The following STK24 variants were observed in gnomAD, a reference collection of about 807,000 sequenced individuals.
The protein encoded by STK24 is serine/threonine kinase 24.
In STK24, 21 loss-of-function variants were observed where a neutral mutation model predicts 55.6. The ratio of observed to expected loss-of-function variants is 0.38; its 90% confidence interval spans 0.27 to 0.54. The LOEUF is 0.54. Among genes scored for constraint, STK24 ranks in the 20% least tolerant of loss-of-function variants. The probability of loss-of-function intolerance (pLI) is 0.79; values close to 1 mark genes in which losing one functional copy is unlikely to be tolerated. For synonymous variants in STK24, 200 were observed against 215.2 expected (o/e 0.93, Z 0.62); for missense variants, 383 against 538.4 (o/e 0.71, Z 2.86).
intron 2 of STK24, among the ~76,000 whole-genome samples, chr13:98,505,637 C>T (rs1396538698): frequency 6.6e-6 from 1 of 152,182 alleles, no homozygotes; most frequent in Non-Finnish European, 1.5e-5. Context: ...ACTTGAGTAC[C>T]TAATCTAGTG....
intron 2 of STK24, among the ~76,000 whole-genome samples, chr13:98,511,392 C>A (rs1895872283): frequency 6.6e-6 from 1 of 152,216 alleles, no homozygotes; most frequent in African/African-American, 2.4e-5. Context: ...ATTATACAGG[C>A]ACTCTGGAAA....
rs576668725 is a variant in STK24 at position 98,490,485 on chromosome 13, G to A, written c.274-8164C>T. On this transcript the variant is annotated intron_variant, in intron 2 of 10. Transcript: ENST00000539966. ...ACATCCTGTGGGTCACTCTTCCCAT[G>A]TACTACCCTAGTTCCAAACTGCATT... is the stretch of plus-strand genomic sequence containing the variant. Among the ~76,000 whole-genome samples the A allele has an allele frequency of 5.9e-5, 9 of 152,210 alleles. No homozygotes were observed. The South Asian group carries it at 1.7e-3, about 28-fold the overall frequency.
At chr13:98,477,833 C>G (rs1486781983) in intron 3 of STK24, among the ~76,000 whole-genome samples, 1 of 152,116 alleles carries the variant, frequency 6.6e-6, no homozygotes, top group Non-Finnish European at 1.5e-5. Flanking sequence ...GGCAGAGCGG[C>G]CTGCTGTCAT....
At chr13:98,524,389 G>A (rs1487195669) in intron 1 of STK24, among the ~76,000 whole-genome samples, 1 of 152,192 alleles carries the variant, frequency 6.6e-6, no homozygotes, top group African/African-American at 2.4e-5. Context: ...TCCATCAGCA[G>A]CATGTGGAGA....
At chr13:98,529,247 C>G (rs1290129939) in intron 1 of STK24, among the ~76,000 whole-genome samples, 1 of 152,112 alleles carries the variant, frequency 6.6e-6, no homozygotes, top group Non-Finnish European at 1.5e-5. Context: ...AACCTCTGCA[C>G]CCCCATTCCT....
chr13:98,503,022 G>GTCTTTTTTTTT (rs1396079027), intron 2 of STK24, among the ~76,000 whole-genome samples: 1 of 35,444 alleles, frequency 2.8e-5, no homozygotes, highest in African/African-American at 9.0e-5. Context: ...TACTTTCCAT[G>GTCTTTTTTTTT]TGTTTTTTTT....
chr13:98,493,082 T>C (rs569765352), intron 2 of STK24, among the ~76,000 whole-genome samples: 1 of 152,232 alleles, frequency 6.6e-6, no homozygotes, highest in African/African-American at 2.4e-5. Context: ...TGCCTGTAAT[T>C]TGAAAGGTTT....
chr13:98,490,830 T>TA (rs141888833), intron 2 of STK24, among the ~76,000 whole-genome samples: 5,472 of 134,902 alleles, frequency 0.041, 259 homozygotes, highest in African/African-American at 0.12. Flanking sequence ...CAGCCTACAT[T>TA]AAAAAAAAAA....
intron 1 of STK24, among the ~76,000 whole-genome samples, chr13:98,552,794 A>G (rs1478242061): frequency 6.6e-6 from 1 of 151,884 alleles, no homozygotes; most frequent in East Asian, 1.9e-4. Flanking sequence ...TCTGCAGAAA[A>G]CCACTTGAGT....
At chr13:98,518,846 T>C (rs1358518439) in intron 2 of STK24, among the ~76,000 whole-genome samples, 1 of 152,242 alleles carries the variant, frequency 6.6e-6, no homozygotes, top group Non-Finnish European at 1.5e-5. Context: ...TTAACAGCAT[T>C]AAATTAAACC....
chr13:98,506,013 T>C (rs962472196), intron 2 of STK24, among the ~76,000 whole-genome samples: 6 of 152,238 alleles, frequency 3.9e-5, no homozygotes, highest in African/African-American at 1.4e-4. Flanking sequence ...ATATATGTTT[T>C]AGATAGCCAA....
intron 1 of STK24, chr13:98,522,034 C>G: frequency 1.4e-6 from 2 of 1,416,804 alleles, no homozygotes; most frequent in Non-Finnish European, 1.8e-6. Flanking sequence ...CTCTGGAGTC[C>G]CTTCAAAGTC....
chr13:98,513,585 G>C (rs577980749), intron 2 of STK24, among the ~76,000 whole-genome samples: 16 of 152,142 alleles, frequency 1.1e-4, no homozygotes, highest in African/African-American at 3.9e-4. Context: ...TCTCTTCTCT[G>C]TTAAGATCAC....
At chr13:98,528,104 C>T (rs563391736) in intron 1 of STK24, among the ~76,000 whole-genome samples, 4 of 152,326 alleles carry the variant, frequency 2.6e-5, no homozygotes, top group African/African-American at 9.6e-5. Context: ...ACCGGACTCT[C>T]ATTCATGAGG....
At chr13:98,493,226 G>A (rs373542411) in intron 2 of STK24, among the ~76,000 whole-genome samples, 14 of 152,316 alleles carry the variant, frequency 9.2e-5, no homozygotes, top group African/African-American at 3.1e-4. Flanking sequence ...AAAGGGTTGC[G>A]TGTGTGCGTG....
At chr13:98,477,664 G>C (rs892716024) in intron 3 of STK24, among the ~76,000 whole-genome samples, 5 of 146,442 alleles carry the variant, frequency 3.4e-5, no homozygotes, top group African/African-American at 1.3e-4. Context: ...GACAGAGCAA[G>C]ATTCCGTCTC....
chr13:98,532,387 T>C (rs537372210), intron 1 of STK24, among the ~76,000 whole-genome samples: 2 of 151,896 alleles, frequency 1.3e-5, no homozygotes, highest in East Asian at 1.9e-4. Flanking sequence ...TGATGGTGCA[T>C]GCCCATCCCA....
chr13:98,482,783 C>T (rs1401950576), intron 2 of STK24, among the ~76,000 whole-genome samples: 1 of 152,206 alleles, frequency 6.6e-6, no homozygotes, highest in African/African-American at 2.4e-5. Flanking sequence ...CTGCGCCCCC[C>T]ACCCCCTACC....
At chr13:98,457,478 T>C (rs1316231986) in intron 9 of STK24, among the ~76,000 whole-genome samples, 174 bp from the exon 10 acceptor site, 2 of 150,612 alleles carry the variant, frequency 1.3e-5, no homozygotes, top group African/African-American at 2.4e-5. Flanking sequence ...TTTTTTTTTT[T>C]TTTTTTTGTG....
Sources: allele counts gnomAD v4.1 joint callset (sites outside exome capture counted in the v4.1 genomes callset), GRCh38; gene constraint gnomAD v4.1.1; transcripts MANE v1.5; gene names NCBI Gene and HGNC (gene_info 2026-07-23, HGNC 2026-07-21).